The following HDAC8 variants were observed in gnomAD, a reference collection of about 807,000 sequenced individuals.
HDAC8 encodes the protein histone deacetylase 8.
HDAC8 carries 1 observed loss-of-function variant against 32.2 expected under a neutral mutation model. The observed-to-expected ratio is 0.03, with a 90% confidence interval of 0.01 to 0.15. HDAC8 has a LOEUF of 0.15. Ranked by LOEUF, HDAC8 falls within the 10% of genes least tolerant of loss-of-function variation. The probability of loss-of-function intolerance (pLI) is 1.00; values close to 1 mark genes in which losing one functional copy is unlikely to be tolerated. For synonymous variants in HDAC8, 108 were observed against 113.9 expected, an observed-to-expected ratio of 0.95 and a Z score of 0.33; for missense variants, 117 against 300.0, an observed-to-expected ratio of 0.39 and a Z score of 4.51.
intron 9 of HDAC8, among the ~76,000 whole-genome samples, chrX:72,368,420 G>A (rs893643896): frequency 3.8e-5 from 4 of 104,777 alleles, no homozygotes; most frequent in Non-Finnish European, 5.8e-5. Context: ...GCAGTGGCGC[G>A]ATCTCGGCTC....
chrX:72,492,669 C>T (rs922622707), intron 5 of HDAC8, among the ~76,000 whole-genome samples: 1 of 111,528 alleles, frequency 9.0e-6, no homozygotes, highest in Non-Finnish European at 1.9e-5. Flanking sequence ...AAACAGGAAA[C>T]TCTGAAGGGT....
At chrX:72,407,074 G>A (rs781957063) in intron 9 of HDAC8, among the ~76,000 whole-genome samples, 6 of 112,692 alleles carry the variant, frequency 5.3e-5, no homozygotes, top group South Asian at 3.6e-4. Flanking sequence ...CAAAGATGTC[G>A]AAGTCCTAAT....
chrX:72,373,769 G>A (rs1040685215), intron 9 of HDAC8, among the ~76,000 whole-genome samples: 1 of 112,071 alleles, frequency 8.9e-6, no homozygotes, highest in Admixed American at 9.5e-5. Flanking sequence ...GGGAACTGCC[G>A]TGCTGTTTTC....
At chrX:72,341,850 G>T (rs1452377744) in intron 10 of HDAC8, among the ~76,000 whole-genome samples, 9 of 112,331 alleles carry the variant, frequency 8.0e-5, no homozygotes, top group Non-Finnish European at 1.5e-4. Flanking sequence ...ACAACTGGCT[G>T]TTTCTATGTC....
At chrX:72,424,142 G>C (rs2046565880) in intron 9 of HDAC8, among the ~76,000 whole-genome samples, 1 of 112,025 alleles carries the variant, frequency 8.9e-6, no homozygotes, top group Admixed American at 9.5e-5. Flanking sequence ...CCAATGTCTT[G>C]AAGTATTCAA....
At chrX:72,566,565 C>A (rs1210031151) in intron 4 of HDAC8, among the ~76,000 whole-genome samples, 1 of 111,897 alleles carries the variant, frequency 8.9e-6, no homozygotes, top group Admixed American at 9.5e-5. Context: ...TGAAGTTGTG[C>A]TGTGTTTTAT....
At chrX:72,373,767 C>T (rs1344088490) in intron 9 of HDAC8, among the ~76,000 whole-genome samples, 2 of 112,014 alleles carry the variant, frequency 1.8e-5, no homozygotes, top group Non-Finnish European at 3.8e-5. Context: ...TAGGGAACTG[C>T]CGTGCTGTTT....
At chrX:72,355,591 G>C (rs1004636058) in intron 9 of HDAC8, among the ~76,000 whole-genome samples, 2 of 111,694 alleles carry the variant, frequency 1.8e-5, no homozygotes, top group East Asian at 2.8e-4. Flanking sequence ...CTCAACCCTA[G>C]AGTCAATGAA....
intron 8 of HDAC8, 124 bp from the exon 9 acceptor site, chrX:72,462,222 C>T (rs2047887486): frequency 3.9e-6 from 2 of 509,305 alleles, no homozygotes; most frequent in African/African-American, 4.7e-5. Flanking sequence ...CAGAATTTCC[C>T]CTAATCCCCC....
intron 9 of HDAC8, among the ~76,000 whole-genome samples, chrX:72,383,861 T>C (rs1470615150): frequency 2.4e-5 from 2 of 81,947 alleles, no homozygotes; most frequent in Non-Finnish European, 4.5e-5. Context: ...CAGAGTGAGA[T>C]GCCATCTCAA....
chrX:72,352,362 C>G (rs1171104398), intron 9 of HDAC8, among the ~76,000 whole-genome samples: 1 of 111,622 alleles, frequency 9.0e-6, no homozygotes, highest in Non-Finnish European at 1.9e-5. Context: ...TTTCAGGGCC[C>G]TTAAATACAC....
At chrX:72,377,453 A>T (rs1283230469) in intron 9 of HDAC8, among the ~76,000 whole-genome samples, 1 of 112,086 alleles carries the variant, frequency 8.9e-6, no homozygotes, top group African/African-American at 3.2e-5. Flanking sequence ...TTCCTTGTTG[A>T]TCTTCTCCCT....
intron 9 of HDAC8, among the ~76,000 whole-genome samples, chrX:72,459,064 C>T (rs1461638134): frequency 2.7e-5 from 3 of 111,574 alleles, no homozygotes; most frequent in African/African-American, 6.5e-5. Flanking sequence ...CTTCACCTAG[C>T]GAACTCCTAA....
At chrX:72,350,178 C>T (rs1555948322) in intron 10 of HDAC8, among the ~76,000 whole-genome samples, 2 of 111,010 alleles carry the variant, frequency 1.8e-5, no homozygotes, top group African/African-American at 6.6e-5. Flanking sequence ...CTTGTGGGGT[C>T]AGTAGCCACT....
intron 9 of HDAC8, among the ~76,000 whole-genome samples, chrX:72,363,712 C>T (rs5958761): frequency 0.019 from 2,118 of 111,192 alleles, 52 homozygotes; most frequent in African/African-American, 0.065. Context: ...GCTGGGATTA[C>T]AGGCGTGGAC....
intron 4 of HDAC8, among the ~76,000 whole-genome samples, chrX:72,497,843 A>G (rs2049076364): frequency 8.9e-6 from 1 of 111,777 alleles, no homozygotes; most frequent in South Asian, 3.7e-4. Flanking sequence ...ACATACCTAG[A>G]CCATTTCTAA....
intron 4 of HDAC8, among the ~76,000 whole-genome samples, chrX:72,567,071 GA>G (rs1202451799): frequency 8.9e-6 from 1 of 112,157 alleles, no homozygotes; most frequent in Non-Finnish European, 1.9e-5. Flanking sequence ...CTTGAACTGG[GA>G]AGGAGGAGGT....
intron 4 of HDAC8, among the ~76,000 whole-genome samples, chrX:72,511,751 C>G (rs1398299467): frequency 8.9e-6 from 1 of 112,067 alleles, no homozygotes; most frequent in East Asian, 2.8e-4. Flanking sequence ...TGACACACAA[C>G]AAAAACACAT....
chrX:72,363,574 T>A (rs782150791), intron 9 of HDAC8, among the ~76,000 whole-genome samples: 1 of 108,573 alleles, frequency 9.2e-6, no homozygotes, highest in Non-Finnish European at 1.9e-5. Flanking sequence ...CCAATGAACT[T>A]TTTTTTTTTC....
Sources: gnomAD v4.1 joint callset for allele counts (sites outside exome capture counted in the v4.1 genomes callset) on GRCh38, gnomAD v4.1.1 for gene constraint, MANE v1.5 for transcripts, NCBI Gene and HGNC (gene_info 2026-07-23, HGNC 2026-07-21) for gene names.